The following HMBOX1 variants were observed in gnomAD, a reference collection of about 807,000 sequenced individuals.
HMBOX1 encodes homeobox-containing protein 1.
In HMBOX1, 14 loss-of-function variants were observed where a neutral mutation model predicts 54.5. The observed-to-expected ratio is 0.26, with a 90% CI of 0.17 to 0.40. The LOEUF (loss-of-function observed/expected upper bound fraction) is 0.40. Ranked by LOEUF, HMBOX1 falls within the 10% of genes least tolerant of loss-of-function variation. The pLI, the probability that HMBOX1 is intolerant of heterozygous loss-of-function variation, is 1.00. For missense variants in HMBOX1, 332 were observed against 514.4 expected (o/e 0.65, Z 3.43); for synonymous variants, 160 against 181.0 (o/e 0.88, Z 0.93).
At chr8:29,050,306 C>A in intron 9 of HMBOX1, 1 of 724,228 alleles carries the variant, frequency 1.4e-6, no homozygotes, top group Non-Finnish European at 1.7e-6. Context: ...TGACGTACAT[C>A]CTGCAATGCC....
chr8:28,918,754 A>G (rs1376222151), intron 1 of HMBOX1, among the ~76,000 whole-genome samples: 1 of 150,624 alleles, frequency 6.6e-6, no homozygotes, highest in African/African-American at 2.4e-5. Flanking sequence ...CATTTAACAT[A>G]AGTATTTTAA....
At chr8:29,045,310 G>C in intron 6 of HMBOX1, 51 bp from the exon 7 acceptor site, 1 of 1,349,878 alleles carries the variant, frequency 7.4e-7, no homozygotes, top group South Asian at 1.2e-5. Context: ...GTTTTAATGA[G>C]AGTATGTTTG....
intron 1 of HMBOX1, among the ~76,000 whole-genome samples, chr8:28,954,795 G>C (rs766460271): frequency 9.9e-5 from 15 of 152,182 alleles, no homozygotes; most frequent in Admixed American, 4.6e-4. Flanking sequence ...AAACTATGGT[G>C]TGTGGGTGGA....
At chr8:28,971,724 G>C (rs954653032) in intron 3 of HMBOX1, among the ~76,000 whole-genome samples, 2 of 152,108 alleles carry the variant, frequency 1.3e-5, no homozygotes, top group Non-Finnish European at 1.5e-5. Context: ...AACAGGTTTT[G>C]GGAGACTTTG....
intron 5 of HMBOX1, among the ~76,000 whole-genome samples, chr8:29,010,711 T>C (rs1834115791): frequency 6.6e-6 from 1 of 152,026 alleles, no homozygotes; most frequent in Non-Finnish European, 1.5e-5. Context: ...CTAAGAAAAT[T>C]AATAATAATT....
At chr8:29,029,117 A>G (rs1034638701) in intron 6 of HMBOX1, among the ~76,000 whole-genome samples, 2 of 152,238 alleles carry the variant, frequency 1.3e-5, no homozygotes, top group Non-Finnish European at 2.9e-5. Context: ...TACTTCTTGA[A>G]GAGAATCCTG....
chr8:28,981,658 T>G (rs947452330), intron 4 of HMBOX1, among the ~76,000 whole-genome samples: 2 of 152,156 alleles, frequency 1.3e-5, no homozygotes, highest in African/African-American at 2.4e-5. Context: ...CTTAGTACTT[T>G]GAATTCCCTG....
chr8:28,893,906 T>C (rs1811541874), intron 1 of HMBOX1, among the ~76,000 whole-genome samples: 1 of 152,242 alleles, frequency 6.6e-6, no homozygotes, highest in Non-Finnish European at 1.5e-5. Context: ...CTCTTGCTTC[T>C]CTTATTTTTG....
At chr8:28,942,438 A>G (rs1272331504) in intron 1 of HMBOX1, among the ~76,000 whole-genome samples, 1 of 152,220 alleles carries the variant, frequency 6.6e-6, no homozygotes, top group Non-Finnish European at 1.5e-5. Context: ...AAAAAGTACA[A>G]AAATGTATCC....
chr8:28,974,843 C>T (rs1828107807), intron 3 of HMBOX1, among the ~76,000 whole-genome samples: 1 of 152,134 alleles, frequency 6.6e-6, no homozygotes, highest in South Asian at 2.1e-4. Flanking sequence ...TGCTTCATCT[C>T]TGAAAGTCTG....
At chr8:28,960,737 A>T (rs4472468) in intron 1 of HMBOX1, among the ~76,000 whole-genome samples, 128,680 of 128,758 alleles carry the variant, frequency 1, 64,302 homozygotes, top group Middle Eastern at 1. Context: ...TATAATTGTA[A>T]ACTTATTCTC....
intron 1 of HMBOX1, among the ~76,000 whole-genome samples, chr8:28,894,220 T>C (rs1811599351): frequency 1.3e-5 from 2 of 152,222 alleles, no homozygotes; most frequent in African/African-American, 4.8e-5. Context: ...AGCATTGTTG[T>C]GAGTGAAAAG....
At chr8:28,890,183 C>A (rs947517795), upstream of HMBOX1, 3 of 423,322 alleles carry the variant, frequency 7.1e-6, no homozygotes, top group South Asian at 6.8e-5. Flanking sequence ...GTCTTCCTTA[C>A]GGGCCTGGGG....
chr8:29,019,092 A>G (rs1396571041), intron 6 of HMBOX1, among the ~76,000 whole-genome samples, 179 bp downstream of exon 6: 1 of 152,212 alleles, frequency 6.6e-6, no homozygotes, highest in African/African-American at 2.4e-5. Flanking sequence ...AGCATTGAGA[A>G]TTCATAAAGC....
chr8:29,043,403 C>A (rs1349068270), intron 6 of HMBOX1, among the ~76,000 whole-genome samples: 1 of 152,268 alleles, frequency 6.6e-6, no homozygotes, highest in Non-Finnish European at 1.5e-5. Context: ...ACTGAACACG[C>A]CTTCATCCAT....
intron 4 of HMBOX1, among the ~76,000 whole-genome samples, chr8:28,992,947 C>T (rs1474199188): frequency 1.3e-5 from 2 of 150,798 alleles, no homozygotes; most frequent in South Asian, 2.1e-4. Context: ...CAGCCATATC[C>T]CCTTCCCACA....
At chr8:28,924,296 A>G (rs1165851657) in intron 1 of HMBOX1, among the ~76,000 whole-genome samples, 1 of 151,538 alleles carries the variant, frequency 6.6e-6, no homozygotes, top group African/African-American at 2.4e-5. Flanking sequence ...TTTTTAGTAG[A>G]GATGGGGTTT....
intron 4 of HMBOX1, among the ~76,000 whole-genome samples, chr8:29,000,213 A>T (rs1409900156): frequency 6.6e-6 from 1 of 152,200 alleles, no homozygotes; most frequent in African/African-American, 2.4e-5. Context: ...AGCTTTTGTC[A>T]AGGGGCTCTC....
intron 1 of HMBOX1, among the ~76,000 whole-genome samples, chr8:28,951,099 C>T (rs1486074480): frequency 6.6e-6 from 1 of 152,148 alleles, no homozygotes; most frequent in Non-Finnish European, 1.5e-5. Flanking sequence ...TGAGTTAGTT[C>T]AGCAAATATT....
Sources: gnomAD v4.1 joint callset for allele counts (sites outside exome capture counted in the v4.1 genomes callset) on GRCh38, gnomAD v4.1.1 for gene constraint, MANE v1.5 for transcripts, NCBI Gene and HGNC (gene_info 2026-07-23, HGNC 2026-07-21) for gene names.